The following LYRM1 variants were observed in gnomAD, a reference collection of about 807,000 sequenced individuals.
The protein encoded by LYRM1 is LYR motif containing 1, also known as LYR motif-containing protein 1.
LYRM1 carries 14 observed loss-of-function variants against 14.9 expected under a neutral mutation model. That is an observed-to-expected ratio of 0.94 (90% CI 0.62 to 1.47). LYRM1 has a LOEUF of 1.47. LYRM1 is among the 40% of genes most tolerant of loss of function. The pLI, the probability that LYRM1 is intolerant of heterozygous loss-of-function variation, is 0.00. For missense variants in LYRM1, 153 were observed against 149.9 expected (o/e 1.02, Z -0.11); for synonymous variants, 43 against 56.2 (o/e 0.77, Z 1.05).
upstream of LYRM1, chr16:20,900,170 C>T (rs1355705784): frequency 7.4e-6 from 1 of 134,742 alleles, no homozygotes; most frequent in East Asian, 2.6e-4. Context: ...GCCCCCCCGC[C>T]TTTTCCTCAA....
In LYRM1 at chr16:20,915,538, A is replaced by C; in HGVS notation, c.1-18A>C. On this transcript the variant is annotated intron_variant, in intron 1 of 3. Coordinates refer to ENST00000567954, the MANE Select transcript of LYRM1 (RefSeq NM_001128302.3). ...TTTTTATGCAAATTTTCCCTCTTCT[A>C]TTTTGGTGGGTCTGAAGATGACAAC... The C allele has an allele frequency of 6.2e-7, 1 of 1,606,594 alleles. No homozygotes were observed. Among genetic ancestry groups the C allele is most frequent in the Non-Finnish European group, 8.5e-7 (1 of 1,175,480 alleles).
chr16:20,909,450 G>A (rs1342267520), intron 1 of LYRM1, among the ~76,000 whole-genome samples: 1 of 152,174 alleles, frequency 6.6e-6, no homozygotes, highest in Non-Finnish European at 1.5e-5. Flanking sequence ...GATAGACTTC[G>A]TGACCAGCTG....
chr16:20,904,132 A>G (rs2082200377), intron 1 of LYRM1, among the ~76,000 whole-genome samples: 1 of 152,228 alleles, frequency 6.6e-6, no homozygotes, highest in African/African-American at 2.4e-5. Context: ...AAAATATGCT[A>G]ATAAGGAAAC....
At chr16:20,915,057 G>A (rs1357169168) in intron 1 of LYRM1, among the ~76,000 whole-genome samples, 2 of 152,152 alleles carry the variant, frequency 1.3e-5, no homozygotes, top group Non-Finnish European at 2.9e-5. Flanking sequence ...CTCAACCTCG[G>A]GATGAATTAC....
At chr16:20,909,707 A>C (rs573589456) in intron 1 of LYRM1, among the ~76,000 whole-genome samples, 121 of 152,358 alleles carry the variant, frequency 7.9e-4, no homozygotes, top group African/African-American at 2.8e-3. Flanking sequence ...CTTTCTAGGA[A>C]CAAAGACAAA....
In LYRM1 at chr16:20,924,689, G is replaced by A. The variant is rs1479903075; in HGVS notation, c.*573G>A. On this transcript the variant is annotated 3_prime_UTR_variant, in exon 4 of 4. Transcript: ENST00000567954. Reference sequence around the variant, plus strand: ...TATGAGATTTCTGCCTTAACAAAATGCATATATTCCTTATCTTAAAGCCTG... The same window carrying A: ...TATGAGATTTCTGCCTTAACAAAATACATATATTCCTTATCTTAAAGCCTG... 2.0e-5 allele frequency: 3 copies of A among 152,260 alleles called. No individual in the cohort carries two copies. Among genetic ancestry groups the A allele is most frequent in the Non-Finnish European group, 2.9e-5 (2 of 68,130 alleles). 9.4% of individuals were successfully genotyped at this position (152,260 alleles called of 1,614,324 possible).
chr16:20,924,695 A>G lies in LYRM1; in HGVS notation c.*579A>G, dbSNP rs921953820. On this transcript the variant is annotated 3_prime_UTR_variant, in exon 4 of 4. Coordinates refer to ENST00000567954, the MANE Select transcript of LYRM1 (RefSeq NM_001128302.3). ...ATTTCTGCCTTAACAAAATGCATAT[A>G]TTCCTTATCTTAAAGCCTGTCATTA... The G allele has an allele frequency of 6.6e-6, 1 of 152,330 alleles. No individual in the cohort carries two copies. Among genetic ancestry groups the G allele is most frequent in the Non-Finnish European group, 1.5e-5 (1 of 68,148 alleles). 9.4% of individuals were successfully genotyped at this position (152,330 alleles called of 1,614,324 possible). A position where few individuals can be genotyped will look rare whatever the true frequency, so the allele number is the denominator to read the frequency against.
chr16:20,902,113 G>GA (rs1348891800), intron 1 of LYRM1, among the ~76,000 whole-genome samples: 1 of 152,084 alleles, frequency 6.6e-6, no homozygotes, highest in East Asian at 1.9e-4. Flanking sequence ...TCCGTCTTAA[G>GA]AAAAAAGAAA....
intron 1 of LYRM1, among the ~76,000 whole-genome samples, chr16:20,904,690 G>GT (rs1244727726): frequency 1.5e-5 from 2 of 130,680 alleles, no homozygotes; most frequent in African/African-American, 3.1e-5. Context: ...TAAGTCTGTG[G>GT]TTGTGTGTGT....
At chr16:20,900,737 C>G (rs532859045), upstream of LYRM1, 2 of 152,546 alleles carry the variant, frequency 1.3e-5, no homozygotes, top group East Asian at 3.9e-4. Context: ...GGTGCTCCCA[C>G]AGAGGTGGGC....
intron 1 of LYRM1, among the ~76,000 whole-genome samples, chr16:20,913,845 G>A (rs765376561): frequency 6.6e-6 from 1 of 151,102 alleles, no homozygotes; most frequent in African/African-American, 2.4e-5. Flanking sequence ...GTCTCGCTCT[G>A]TCACCCAGGC....
rs1596663555 is a variant in LYRM1, at chr16:20,901,297, A to G, written c.-1+408A>G. 1 of 152,254 alleles carries G rather than the reference A, an allele frequency of 6.6e-6. No homozygotes were observed. The highest frequency in any genetic ancestry group is 1.9e-4 in the East Asian group (1 of 5,190). The allele number at this position is 152,254 out of a possible 1,614,324, so 9.4% of individuals were successfully genotyped here. On this transcript the variant is annotated intron_variant, in intron 1 of 3. Coordinates refer to ENST00000567954, the MANE Select transcript of LYRM1 (RefSeq NM_001128302.3). The surrounding 1 kb of genome is among the most constrained non-coding windows in gnomAD (Gnocchi z 4.6). ...TAGGACCGTGAGAGCCAGCTTCGTA[A>G]TTCTCTTGCTCTTCAAACCTGAGAG...
chr16:20,909,242 C>T (rs2082465958), intron 1 of LYRM1, among the ~76,000 whole-genome samples: 1 of 152,118 alleles, frequency 6.6e-6, no homozygotes, highest in African/African-American at 2.4e-5. Context: ...CATGTATATC[C>T]CTGTGTTATA....
chr16:20,917,155 A>AAAAGCTTTGC (rs577412898), intron 2 of LYRM1, among the ~76,000 whole-genome samples: 101 of 151,796 alleles, frequency 6.7e-4, no homozygotes, highest in African/African-American at 2.2e-3. Context: ...AGGCTGACTT[A>AAAAGCTTTGC]TGAAGTTTCT....
intron 1 of LYRM1, among the ~76,000 whole-genome samples, chr16:20,903,923 T>G (rs1219438576): frequency 6.6e-6 from 1 of 151,830 alleles, no homozygotes. Context: ...GTTCTCAGAC[T>G]TTTCGATTTG....
intron 1 of LYRM1, among the ~76,000 whole-genome samples, chr16:20,904,606 A>T (rs1015237759): frequency 5.3e-5 from 8 of 152,026 alleles, no homozygotes; most frequent in African/African-American, 1.9e-4. Flanking sequence ...TTTGCAAAAC[A>T]GTGTGTGGCA....
intron 1 of LYRM1, among the ~76,000 whole-genome samples, chr16:20,909,493 C>G (rs190199873): frequency 2.3e-4 from 35 of 152,332 alleles, no homozygotes; most frequent in African/African-American, 8.2e-4. Flanking sequence ...CTCTAAACTA[C>G]TGAATATTCC....
At chr16:20,910,693 G>A (rs890214077) in intron 1 of LYRM1, among the ~76,000 whole-genome samples, 9 of 152,138 alleles carry the variant, frequency 5.9e-5, no homozygotes, top group African/African-American at 2.2e-4. Context: ...AGGCTCACTC[G>A]AGCCTGGGAG....
chr16:20,916,041 A>G (rs1162782092), intron 2 of LYRM1, among the ~76,000 whole-genome samples: 1 of 150,682 alleles, frequency 6.6e-6, no homozygotes, highest in Non-Finnish European at 1.5e-5. Context: ...GGCCACTCCC[A>G]TAGGAGGTGT....
Sources: allele counts gnomAD v4.1 joint callset (sites outside exome capture counted in the v4.1 genomes callset), GRCh38; gene constraint gnomAD v4.1.1; non-coding constraint Gnocchi (gnomAD v3.1); transcripts MANE v1.5; gene names NCBI Gene and HGNC (gene_info 2026-07-23, HGNC 2026-07-21).